CDH12: variants seen among roughly 807,000 people sequenced by gnomAD.
CDH12 encodes cadherin-12.
In CDH12, 41 loss-of-function variants were observed where a neutral mutation model predicts 74.1. The ratio of observed to expected loss-of-function variants is 0.55; its 90% CI spans 0.43 to 0.72. The LOEUF (loss-of-function observed/expected upper bound fraction) is 0.72. CDH12 is among the 30% of genes least tolerant of loss of function. The pLI is 0.00. For synonymous variants in CDH12, 399 were observed against 355.0 expected (o/e 1.12, Z -1.39); for missense variants, 945 against 977.2 (o/e 0.97, Z 0.44).
chr5:22,613,399 G>A (rs1737514271), intron 1 of CDH12, among the ~76,000 whole-genome samples: 2 of 151,920 alleles, frequency 1.3e-5, no homozygotes, highest in African/African-American at 4.8e-5. Context: ...ATTTTTAGAT[G>A]ATTGTAATCT....
At position 21,824,147 on chromosome 5, in the gene CDH12, A is replaced by G. The variant is rs189949772; in HGVS notation, c.815-7015T>C. Among the ~76,000 whole-genome samples the G allele has an allele frequency of 1.3e-3, 193 of 152,302 alleles. No individual in the cohort carries two copies. In the Middle Eastern group the frequency reaches 0.014, roughly 11 times the overall value. ...GTCCAAGCCAATTAGAGCCAGCAGC[A>G]GATGGGACATTGAGTTGGGATCTGG... On this transcript the variant is annotated intron_variant, in intron 8 of 14. Transcript: ENST00000382254.
At chr5:22,674,686 C>A (rs1741075300) in intron 1 of CDH12, among the ~76,000 whole-genome samples, 1 of 152,124 alleles carries the variant, frequency 6.6e-6, no homozygotes, top group Non-Finnish European at 1.5e-5. Flanking sequence ...GACAAAAATT[C>A]TGATAACGAT....
chr5:22,208,274 A>G (rs1751335027), intron 4 of CDH12, among the ~76,000 whole-genome samples: 1 of 152,150 alleles, frequency 6.6e-6, no homozygotes, highest in Admixed American at 6.5e-5. Context: ...AAAACTACAG[A>G]GAAAAATGTG....
chr5:22,207,111 C>T (rs61047288), intron 4 of CDH12, among the ~76,000 whole-genome samples: 8,408 of 148,246 alleles, frequency 0.057, 259 homozygotes, highest in Non-Finnish European at 0.062. Flanking sequence ...CCCAGCTACT[C>T]GGGAGGCTAA....
At chr5:22,318,315 C>T (rs1738716823) in intron 3 of CDH12, among the ~76,000 whole-genome samples, 1 of 152,112 alleles carries the variant, frequency 6.6e-6, no homozygotes. Context: ...TTTTGGGCTG[C>T]CTCTGATATC....
intron 3 of CDH12, among the ~76,000 whole-genome samples, chr5:22,385,139 C>T (rs943692036): frequency 6.6e-6 from 1 of 152,096 alleles, no homozygotes; most frequent in Non-Finnish European, 1.5e-5. Flanking sequence ...AAATTTAATA[C>T]CTTAAACTTA....
chr5:21,817,518 A>G (rs1266992858), intron 8 of CDH12, among the ~76,000 whole-genome samples: 2 of 148,754 alleles, frequency 1.3e-5, no homozygotes, highest in Admixed American at 6.6e-5. Context: ...TTATAGATAC[A>G]TAGATAGATG....
intron 6 of CDH12, among the ~76,000 whole-genome samples, chr5:21,933,848 T>C (rs922520878): frequency 1.3e-5 from 2 of 152,166 alleles, no homozygotes; most frequent in Non-Finnish European, 2.9e-5. Flanking sequence ...TACACATTTG[T>C]TCACTGAACT....
intron 5 of CDH12, among the ~76,000 whole-genome samples, chr5:21,993,621 C>G (rs1291623398): frequency 6.6e-6 from 1 of 152,110 alleles, no homozygotes; most frequent in Non-Finnish European, 1.5e-5. Flanking sequence ...CTTAAGAGAG[C>G]AAGGAAGTGT....
chr5:22,623,350 G>C (rs1738083466), intron 1 of CDH12, among the ~76,000 whole-genome samples: 1 of 152,098 alleles, frequency 6.6e-6, no homozygotes, highest in Admixed American at 6.6e-5. Context: ...AAAGTATCCA[G>C]TTAGGAAAAG....
intron 2 of CDH12, among the ~76,000 whole-genome samples, chr5:22,480,760 C>G (rs1013266796): frequency 1.3e-5 from 2 of 152,042 alleles, no homozygotes; most frequent in African/African-American, 4.8e-5. Flanking sequence ...TGCAAATGCC[C>G]AGGTGTCAGG....
At chr5:22,407,217 C>T (rs1027356608) in intron 2 of CDH12, among the ~76,000 whole-genome samples, 1 of 152,008 alleles carries the variant, frequency 6.6e-6, no homozygotes, top group African/African-American at 2.4e-5. Context: ...TAATTATTCA[C>T]CCTGTCTCTC....
chr5:22,724,352 A>G (rs1392711261), intron 1 of CDH12, among the ~76,000 whole-genome samples: 1 of 151,880 alleles, frequency 6.6e-6, no homozygotes, highest in Non-Finnish European at 1.5e-5. Flanking sequence ...TGTACACTGT[A>G]TGCAGTATGT....
chr5:22,820,971 T>G (rs1749669025), intron 1 of CDH12, among the ~76,000 whole-genome samples: 1 of 152,082 alleles, frequency 6.6e-6, no homozygotes, highest in Non-Finnish European at 1.5e-5. Flanking sequence ...TGAACATTGA[T>G]ACAAAAATCC....
chr5:22,812,262 A>G (rs554852649), intron 1 of CDH12, among the ~76,000 whole-genome samples: 4 of 152,212 alleles, frequency 2.6e-5, no homozygotes, highest in African/African-American at 9.6e-5. Flanking sequence ...GTGCTAGTAT[A>G]AGGATTAAGT....
At chr5:22,291,188 T>G (rs1327889568) in intron 3 of CDH12, among the ~76,000 whole-genome samples, 1 of 152,056 alleles carries the variant, frequency 6.6e-6, no homozygotes, top group African/African-American at 2.4e-5. Flanking sequence ...ATAAAAACAC[T>G]CAGCAAATTA....
intron 5 of CDH12, among the ~76,000 whole-genome samples, chr5:22,065,991 C>A (rs1741528965): frequency 6.6e-6 from 1 of 152,080 alleles, no homozygotes; most frequent in Non-Finnish European, 1.5e-5. Flanking sequence ...GTCAGGTACA[C>A]AAAGTCTAAC....
At chr5:21,858,330 C>A (rs1017941377) in intron 6 of CDH12, among the ~76,000 whole-genome samples, 3 of 151,790 alleles carry the variant, frequency 2.0e-5, no homozygotes, top group African/African-American at 7.3e-5. Flanking sequence ...ACATTCATAT[C>A]ATAATAAAAC....
At chr5:22,724,782 A>G (rs1453162324) in intron 1 of CDH12, among the ~76,000 whole-genome samples, 1 of 151,784 alleles carries the variant, frequency 6.6e-6, no homozygotes, top group African/African-American at 2.4e-5. Flanking sequence ...TAATTTCTCT[A>G]TTTTTAGATT....
Sources: gnomAD v4.1 joint callset for allele counts (sites outside exome capture counted in the v4.1 genomes callset) on GRCh38, gnomAD v4.1.1 for gene constraint, MANE v1.5 for transcripts, NCBI Gene and HGNC (gene_info 2026-07-23, HGNC 2026-07-21) for gene names.